The following TXNDC15 variants were observed in gnomAD, a reference collection of about 807,000 sequenced individuals.
The protein encoded by TXNDC15 is thioredoxin domain-containing protein 15.
Under a neutral mutation model 35.0 loss-of-function variants are expected in TXNDC15, and 24 were observed. That is an observed-to-expected ratio of 0.68 (90% CI 0.50 to 0.96). The LOEUF (loss-of-function observed/expected upper bound fraction) is 0.96. Ranked by LOEUF, TXNDC15 falls within the 40% of genes least tolerant of loss-of-function variation. The probability of loss-of-function intolerance (pLI) is 0.00; values close to 1 mark genes in which losing one functional copy is unlikely to be tolerated. For missense variants in TXNDC15, 385 were observed against 453.3 expected (o/e 0.85, Z 1.37); for synonymous variants, 169 against 174.0 (o/e 0.97, Z 0.23).
chr5:134,874,168 T>C (rs748139169), upstream of TXNDC15: 97 of 443,992 alleles, frequency 2.2e-4, no homozygotes, highest in Non-Finnish European at 3.4e-4. Flanking sequence ...AGAGCCATGC[T>C]CTGCACTCTG....
intron 2 of TXNDC15, among the ~76,000 whole-genome samples, chr5:134,890,643 C>CAA (rs1750371913): frequency 6.6e-6 from 1 of 152,094 alleles, no homozygotes; most frequent in Admixed American, 6.6e-5. Flanking sequence ...CTCCTGACCT[C>CAA]AAGTGATCTG....
At chr5:134,896,963 G>T (rs1433797229) in intron 4 of TXNDC15, among the ~76,000 whole-genome samples, 1 of 144,236 alleles carries the variant, frequency 6.9e-6, no homozygotes, top group East Asian at 2.1e-4. Context: ...TTTTTTTGAG[G>T]CAGAGTCTCA....
intron 1 of TXNDC15, among the ~76,000 whole-genome samples, chr5:134,885,610 T>C (rs1750260534): frequency 6.6e-6 from 1 of 152,224 alleles, no homozygotes; most frequent in Non-Finnish European, 1.5e-5. Flanking sequence ...ATCTGCAGTA[T>C]TCTGTCTTGC....
intron 1 of TXNDC15, among the ~76,000 whole-genome samples, chr5:134,877,052 G>A (rs1750048512): frequency 6.6e-6 from 1 of 152,132 alleles, no homozygotes; most frequent in Admixed American, 6.6e-5. Flanking sequence ...ACTGAGAAAT[G>A]CATCAAGGAG....
intron 1 of TXNDC15, among the ~76,000 whole-genome samples, chr5:134,877,693 C>T (rs1413230067): frequency 1.3e-5 from 2 of 151,934 alleles, no homozygotes; most frequent in African/African-American, 4.8e-5. Context: ...CTGCAACCTC[C>T]ACCTCCTGGG....
intron 1 of TXNDC15, among the ~76,000 whole-genome samples, chr5:134,881,238 G>T (rs1412340936): frequency 8.0e-6 from 1 of 125,530 alleles, no homozygotes; most frequent in Non-Finnish European, 1.7e-5. Flanking sequence ...CTCGCAGAGG[G>T]GGATTTGGCA....
chr5:134,879,206 A>T (rs1031989592), intron 1 of TXNDC15, among the ~76,000 whole-genome samples: 1 of 152,160 alleles, frequency 6.6e-6, no homozygotes, highest in African/African-American at 2.4e-5. Context: ...AGGGGGATGG[A>T]GGGGACAACA....
intron 3 of TXNDC15, among the ~76,000 whole-genome samples, chr5:134,895,062 C>G (rs1561901514): frequency 6.6e-6 from 1 of 151,940 alleles, no homozygotes; most frequent in East Asian, 1.9e-4. Flanking sequence ...CCTGTGGTAC[C>G]CCAGCTACTT....
At chr5:134,874,044 G>C (rs1024700745), upstream of TXNDC15, 1 of 173,010 alleles carries the variant, frequency 5.8e-6, no homozygotes, top group African/African-American at 2.4e-5. Context: ...GAAGGCTCCT[G>C]GGCCTTTCTG....
At chr5:134,876,921 T>G (rs1035903533) in intron 1 of TXNDC15, among the ~76,000 whole-genome samples, 3 of 152,150 alleles carry the variant, frequency 2.0e-5, no homozygotes, top group African/African-American at 7.2e-5. Context: ...AAATTCTTAC[T>G]GAGCACTCAT....
At position 134,893,551 on chromosome 5, in the gene TXNDC15, C is replaced by T; in HGVS notation, c.651C>T (p.Thr217=). ...GSDCTLVLFY[T]PWCRFSASLA... ...ACTGTACTCTAGTCCTGTTTTACAC[C>T]CCGTGGTGCCGCTTTTCTGCCAGTT... Residue 217 remains threonine, a synonymous_variant, in exon 3 of 5, where the codon ACC becomes ACT. Transcript: ENST00000358387. 2 of 1,614,174 alleles carry T rather than the reference C, an allele frequency of 1.2e-6. No homozygotes were observed. Among genetic ancestry groups the T allele is most frequent in the East Asian group, 2.2e-5 (1 of 44,886 alleles).
chr5:134,892,042 A>G (rs1046414999), intron 2 of TXNDC15: 1 of 152,186 alleles, frequency 6.6e-6, no homozygotes, highest in African/African-American at 2.4e-5. Context: ...CTAGCTATGA[A>G]AGTCCTAGAA....
chr5:134,886,742 A>G (rs1251873143), intron 1 of TXNDC15, among the ~76,000 whole-genome samples: 3 of 152,256 alleles, frequency 2.0e-5, no homozygotes, highest in Admixed American at 6.5e-5. Flanking sequence ...TTCTTCAGGC[A>G]GTGTGGCTCA....
intron 1 of TXNDC15, among the ~76,000 whole-genome samples, chr5:134,877,471 G>C (rs911904654): frequency 6.6e-6 from 1 of 152,180 alleles, no homozygotes; most frequent in Non-Finnish European, 1.5e-5. Context: ...CTGGAGGGGG[G>C]ATAGCAGGCT....
chr5:134,882,859 G>C (rs1048648403), intron 1 of TXNDC15, among the ~76,000 whole-genome samples: 2 of 152,184 alleles, frequency 1.3e-5, no homozygotes, highest in Admixed American at 6.5e-5. Flanking sequence ...GAGGGGGAGA[G>C]GGAGAGGGAG....
At chr5:134,886,467 A>T (rs889285325) in intron 1 of TXNDC15, among the ~76,000 whole-genome samples, 5 of 152,266 alleles carry the variant, frequency 3.3e-5, no homozygotes, top group African/African-American at 1.2e-4. Flanking sequence ...GGCAGGAGGC[A>T]TTGCTATGGA....
Position 134,888,026 on chromosome 5 carries a change from G to GT in TXNDC15, c.435_436insT (p.Glu146Ter), listed in dbSNP as rs1462007816. On this transcript the variant is annotated frameshift_variant, in exon 2 of 5. Transcript: ENST00000358387. LOFTEE classifies it high-confidence loss of function. ...GAGCACACTTCCCTGACAGAGAAGA[G>GT]GAGTATTACACAGAGCCAGAAGTGG... is the stretch of plus-strand genomic sequence containing the variant. The GT allele has an allele frequency of 6.2e-7, 1 of 1,614,202 alleles. No individual in the cohort carries two copies.
At chr5:134,882,535 C>T in intron 1 of TXNDC15, among the ~76,000 whole-genome samples, 1 of 152,256 alleles carries the variant, frequency 6.6e-6, no homozygotes, top group East Asian at 1.9e-4. Flanking sequence ...CACGCCACTG[C>T]ACTCCAGCCT....
At chr5:134,874,731 G>A (rs1315721287) in intron 1 of TXNDC15, among the ~76,000 whole-genome samples, 3 of 152,248 alleles carry the variant, frequency 2.0e-5, no homozygotes, top group Non-Finnish European at 2.9e-5. Flanking sequence ...GAGGGCCGGT[G>A]GACGGGAGCC....
Sources: gnomAD v4.1 joint callset for allele counts (sites outside exome capture counted in the v4.1 genomes callset) on GRCh38, gnomAD v4.1.1 for gene constraint, MANE v1.5 for transcripts, NCBI Gene and HGNC (gene_info 2026-07-23, HGNC 2026-07-21) for gene names.